ADGRL3: variants seen among roughly 807,000 people sequenced by gnomAD.
The protein encoded by ADGRL3 is adhesion G protein-coupled receptor L3.
Under a neutral mutation model 153.5 loss-of-function variants are expected in ADGRL3, and 62 were observed. The observed-to-expected ratio is 0.40, with a 90% CI of 0.33 to 0.50. ADGRL3 has a LOEUF of 0.50. ADGRL3 is among the 20% of genes least tolerant of loss of function. The pLI is 0.47. For synonymous variants in ADGRL3, 710 were observed against 672.5 expected, an observed-to-expected ratio of 1.06 and a Z score of -0.86; for missense variants, 1,641 against 1,859.4, an observed-to-expected ratio of 0.88 and a Z score of 2.16.
intron 5 of ADGRL3, among the ~76,000 whole-genome samples, chr4:61,647,787 T>C (rs1268268712): frequency 1.3e-5 from 2 of 152,260 alleles, no homozygotes; most frequent in Non-Finnish European, 2.9e-5. Context: ...AGAAATTATA[T>C]AAATAGAAAA....
chr4:61,753,171 C>A (rs1235152546), intron 8 of ADGRL3, among the ~76,000 whole-genome samples: 1 of 151,430 alleles, frequency 6.6e-6, no homozygotes, highest in African/African-American at 2.4e-5. Context: ...GAGCTCCCCT[C>A]CCCGAACTCC....
At chr4:61,367,928 T>C (rs1391381612) in intron 1 of ADGRL3, among the ~76,000 whole-genome samples, 2 of 150,138 alleles carry the variant, frequency 1.3e-5, no homozygotes, top group East Asian at 3.9e-4. Flanking sequence ...ATGATCGCCA[T>C]TCTAACTGGT....
intron 5 of ADGRL3, among the ~76,000 whole-genome samples, chr4:61,628,673 G>T (rs1347381892): frequency 6.6e-6 from 1 of 152,132 alleles, no homozygotes; most frequent in Non-Finnish European, 1.5e-5. Context: ...CTGCAGAAAA[G>T]ATTACTCTTA....
chr4:61,645,477 C>T (rs62304027), intron 5 of ADGRL3, among the ~76,000 whole-genome samples: 9 of 151,300 alleles, frequency 5.9e-5, no homozygotes, highest in African/African-American at 2.2e-4. Flanking sequence ...TTAGGGCAGG[C>T]CTGGTGGTGA....
chr4:61,286,398 A>G (rs761201428), intron 1 of ADGRL3, among the ~76,000 whole-genome samples: 1 of 151,288 alleles, frequency 6.6e-6, no homozygotes, highest in Non-Finnish European at 1.5e-5. Flanking sequence ...TAGCTAGCTG[A>G]CATTAGCAGT....
At chr4:61,390,518 C>G (rs1229712374) in intron 2 of ADGRL3, among the ~76,000 whole-genome samples, 1 of 152,078 alleles carries the variant, frequency 6.6e-6, no homozygotes, top group Non-Finnish European at 1.5e-5. Context: ...TGTTTTCTTG[C>G]AGGAGGGGGA....
intron 2 of ADGRL3, among the ~76,000 whole-genome samples, chr4:61,490,891 A>G (rs1298536306): frequency 6.6e-6 from 1 of 152,144 alleles, no homozygotes; most frequent in Non-Finnish European, 1.5e-5. Flanking sequence ...TCAAGAAAAC[A>G]AGAAAACCTT....
chr4:61,597,377 T>G (rs986619605), intron 5 of ADGRL3, among the ~76,000 whole-genome samples: 1 of 152,134 alleles, frequency 6.6e-6, no homozygotes, highest in Non-Finnish European at 1.5e-5. Context: ...TAAAGGGAAC[T>G]TTTCACTTAA....
At chr4:61,788,187 G>A (rs1339879977) in intron 8 of ADGRL3, among the ~76,000 whole-genome samples, 1 of 152,142 alleles carries the variant, frequency 6.6e-6, no homozygotes, top group Non-Finnish European at 1.5e-5. Context: ...CTAACCAGAG[G>A]TCCTGAGTCT....
chr4:61,758,548 T>A (rs1043854012), intron 8 of ADGRL3, among the ~76,000 whole-genome samples: 9 of 152,136 alleles, frequency 5.9e-5, no homozygotes, highest in African/African-American at 2.2e-4. Context: ...CTTCCTCCAT[T>A]CCTTTATTTT....
intron 5 of ADGRL3, among the ~76,000 whole-genome samples, chr4:61,629,673 C>T (rs1234217440): frequency 1.7e-5 from 2 of 119,428 alleles, no homozygotes; most frequent in Admixed American, 1.2e-4. Context: ...GCTAAGATCA[C>T]ACCACTGCAC....
intron 8 of ADGRL3, among the ~76,000 whole-genome samples, chr4:61,808,091 T>C (rs1027695363): frequency 6.6e-5 from 10 of 152,228 alleles, no homozygotes; most frequent in African/African-American, 2.4e-4. Flanking sequence ...TTTCTCCAGG[T>C]ACTGATTGTC....
At chr4:61,786,044 T>C (rs1433810362) in intron 8 of ADGRL3, among the ~76,000 whole-genome samples, 3 of 152,144 alleles carry the variant, frequency 2.0e-5, no homozygotes, top group African/African-American at 4.8e-5. Context: ...AGAGATTTTT[T>C]TATGTGCTTA....
At chr4:61,683,220 C>T (rs541523044) in intron 6 of ADGRL3, among the ~76,000 whole-genome samples, 1 of 151,840 alleles carries the variant, frequency 6.6e-6, no homozygotes, top group Admixed American at 6.6e-5. Flanking sequence ...TTAAGCAATC[C>T]TCCAACCTCA....
chr4:61,860,904 G>A (rs1197903683), intron 9 of ADGRL3, among the ~76,000 whole-genome samples: 1 of 152,142 alleles, frequency 6.6e-6, no homozygotes, highest in Non-Finnish European at 1.5e-5. Context: ...ATAGAGCCAG[G>A]ATAGGAACCA....
rs184857086 is a variant in ADGRL3, at chr4:61,520,914, G to A, written c.259+3396G>A. Among the ~76,000 whole-genome samples, 254 of 151,770 alleles carry A rather than the reference G, an allele frequency of 1.7e-3. 1 individual carries two copies. Among genetic ancestry groups the A allele is most frequent in the African/African-American group, 5.6e-3 (232 of 41,378 alleles). On this transcript the variant is annotated intron_variant, in intron 4 of 26. Coordinates refer to ENST00000683033, the MANE Select transcript of ADGRL3 (RefSeq NM_001387552.1). ...ATAAGTGACTGTCAGCCTGAATTGT[G>A]CACCACTCCTCCCCTCCAGAGCACC...
At chr4:61,509,466 C>T (rs1013408476) in intron 3 of ADGRL3, among the ~76,000 whole-genome samples, 5 of 152,048 alleles carry the variant, frequency 3.3e-5, no homozygotes, top group Admixed American at 2.0e-4. Flanking sequence ...CAATGTTTAG[C>T]TTCCACTTAT....
intron 6 of ADGRL3, among the ~76,000 whole-genome samples, chr4:61,715,347 T>A (rs1332788767): frequency 6.6e-6 from 1 of 152,162 alleles, no homozygotes; most frequent in Non-Finnish European, 1.5e-5. Context: ...GAAGGTGGGA[T>A]TTCATTCATT....
intron 4 of ADGRL3, among the ~76,000 whole-genome samples, chr4:61,555,774 A>C (rs147137598): frequency 6.1e-4 from 93 of 152,310 alleles, no homozygotes; most frequent in African/African-American, 2.1e-3. Flanking sequence ...TTATATGCTA[A>C]ACAAGGGGTG....
Sources: gnomAD v4.1 joint callset for allele counts (sites outside exome capture counted in the v4.1 genomes callset) on GRCh38, gnomAD v4.1.1 for gene constraint, MANE v1.5 for transcripts, NCBI Gene and HGNC (gene_info 2026-07-23, HGNC 2026-07-21) for gene names.